GTPBP2: variants seen among roughly 807,000 people sequenced by gnomAD.
GTPBP2 encodes GTP-binding protein 2.
Under a neutral mutation model 63.0 loss-of-function variants are expected in GTPBP2, and 32 were observed. The observed-to-expected ratio is 0.51, with a 90% CI of 0.38 to 0.68. The LOEUF (loss-of-function observed/expected upper bound fraction) is 0.68, where lower values mean the gene tolerates loss of function less well. Ranked by LOEUF, GTPBP2 falls within the 30% of genes least tolerant of loss-of-function variation. The pLI is 0.00. For synonymous variants in GTPBP2, 310 were observed against 322.6 expected (o/e 0.96, Z 0.42); for missense variants, 492 against 796.9 (o/e 0.62, Z 4.61).
chr6:43,623,832 G>C (rs560659332), intron 8 of GTPBP2, 37 bp from the exon 9 acceptor site: 1 of 1,609,914 alleles, frequency 6.2e-7, no homozygotes, highest in Non-Finnish European at 8.5e-7. Context: ...GGCCTGCCAA[G>C]TAGGGCTGGT....
rs1769186652 is a variant in GTPBP2 at position 43,625,090 on chromosome 6, C to G, written c.706-28G>C. 6.2e-7 allele frequency: 1 copy of G among 1,607,560 alleles called. No homozygotes were observed. Among genetic ancestry groups the G allele is most frequent in the African/African-American group, 1.3e-5 (1 of 74,852 alleles). ...GGCCCAGGGCCCAGGGCCCTCAGTGCCTCCTGCCAGCCCTTCCAACCCCTT... is the reference window on the plus strand; with the variant it reads ...GGCCCAGGGCCCAGGGCCCTCAGTGGCTCCTGCCAGCCCTTCCAACCCCTT... On this transcript the variant is annotated intron_variant, in intron 5 of 11. Coordinates refer to ENST00000307126, the MANE Select transcript of GTPBP2 (RefSeq NM_019096.5). This position sits in a 1 kb window ranked among gnomAD's most constrained non-coding sequence, Gnocchi z 5.1.
chr6:43,625,093 C>G lies in GTPBP2; in HGVS notation c.706-31G>C. On this transcript the variant is annotated intron_variant, in intron 5 of 11. Coordinates refer to ENST00000307126, the MANE Select transcript of GTPBP2 (RefSeq NM_019096.5). The surrounding 1 kb of genome is among the most constrained non-coding windows in gnomAD (Gnocchi z 5.1). ...CCAGGGCCCAGGGCCCTCAGTGCCT[C>G]CTGCCAGCCCTTCCAACCCCTTCAG... 1 of 1,605,316 alleles carries G rather than the reference C, an allele frequency of 6.2e-7. No individual in the cohort carries two copies. The highest frequency in any genetic ancestry group is 1.3e-5 in the African/African-American group (1 of 74,938).
Position 43,625,478 on chromosome 6 carries a change from A to C in GTPBP2, c.590T>G (p.Leu197Arg). 1.2e-6 allele frequency: 2 copies of C among 1,614,034 alleles called. No individual in the cohort carries two copies. The highest frequency in any genetic ancestry group is 1.7e-6 in the Non-Finnish European group (2 of 1,179,930). Residue 197 changes from leucine to arginine, a missense_variant, in exon 5 of 12, where the codon CTG (leucine) becomes CGG (arginine). Physicochemically the swap from Leu to Arg is moderately radical, Grantham distance 102. Coordinates refer to ENST00000307126, the MANE Select transcript of GTPBP2 (RefSeq NM_019096.5). The surrounding 1 kb of genome is among the most constrained non-coding windows in gnomAD (Gnocchi z 5.1). ...TLLGVLTQGE[L>R]DNGRGRARLN... ...CCGAGCCCGGCCCCGCCCATTGTCC[A>C]GCTCTCCCTGGGTCAGGACTCCAAG...
rs752931266 is a variant in GTPBP2 at position 43,629,133 on chromosome 6, G to C, written c.30C>G (p.Gly10=). Residue 10 remains glycine, a synonymous_variant, in exon 1 of 12, where the codon GGC becomes GGG. Transcript: ENST00000307126. ...GGCCCCCTCCGGGCCGGCAGCAGCC[G>C]CCGAACAGCTCCGATACCCGCGAGT... is the stretch of plus-strand genomic sequence containing the variant. MDSRVSELF[G]GCCRPGGGPA... The C allele has an allele frequency of 7.2e-7, 1 of 1,396,230 alleles. No individual in the cohort carries two copies. The highest frequency in any genetic ancestry group is 9.4e-7 in the Non-Finnish European group (1 of 1,061,278). The allele number at this position is 1,396,230 out of a possible 1,614,324, so 86.5% of individuals were successfully genotyped here. A position where few individuals can be genotyped will look rare whatever the true frequency, so the allele number is the denominator to read the frequency against.
At position 43,629,086 on chromosome 6, in the gene GTPBP2, T is replaced by G. The variant is rs2127849692; in HGVS notation, c.77A>C (p.Lys26Thr). 1 of 1,588,226 alleles carries G rather than the reference T, an allele frequency of 6.3e-7. No homozygotes were observed. Among genetic ancestry groups the G allele is most frequent in the East Asian group, 2.3e-5 (1 of 43,494 alleles). The change falls in exon 1 of 12, where the codon AAG becomes ACG. Residue 26 changes from lysine (K) to threonine (T), a missense_variant. Around this residue, in one of 2 missense-constraint regions of GTPBP2, gnomAD observed 92 missense variants for 86.1 expected, o/e 1.07. Coordinates refer to ENST00000307126, the MANE Select transcript of GTPBP2 (RefSeq NM_019096.5). ...GCTGCTGCTGCCGGCCCCCCTAGCC[T>G]TGAGGGTTCCGCCCACGGCCGGGCC... ...GGGPAVGGTL[K>T]ARGAGSSSGC...
upstream of GTPBP2, chr6:43,629,913 C>G: frequency 9.4e-7 from 1 of 1,065,606 alleles, no homozygotes; most frequent in Non-Finnish European, 1.3e-6. Context: ...GTTTTAATAA[C>G]CGGAGGCACC....
At chr6:43,623,865 C>A in intron 8 of GTPBP2, 68 bp downstream of exon 8, 1 of 1,611,808 alleles carries the variant, frequency 6.2e-7, no homozygotes, top group Non-Finnish European at 8.5e-7. Context: ...TCTAAACAGA[C>A]TCTGGGTTTG....
In GTPBP2 at chr6:43,621,611, G is replaced by A. The variant is rs1303083511; in HGVS notation, c.*3C>T. ...GCAATAGAACTGTCCCTGCCTGAAG[G>A]GTTCAGAAGCCCATGTTGGCCTGGG... On this transcript the variant is annotated 3_prime_UTR_variant, in exon 12 of 12. Transcript: ENST00000307126. The A allele has an allele frequency of 3.1e-6, 5 of 1,613,962 alleles. No homozygotes were observed. In the African/African-American group the frequency reaches 5.3e-5, roughly 17 times the overall value.
chr6:43,629,516 G>A (rs1004702731), upstream of GTPBP2: 52 of 616,216 alleles, frequency 8.4e-5, no homozygotes, highest in Non-Finnish European at 1.2e-4. Context: ...CAGTCCTCGC[G>A]CTATGTTCTT....
rs752482612 is a variant in GTPBP2, at chr6:43,626,184, C to T, written c.398+42G>A. ...GTAACTGGGTATGCATGGGTCCCCC[C>T]AAGTCAGGTAAAGGAGAACTGGTGG... On this transcript the variant is annotated intron_variant, in intron 3 of 11. Coordinates refer to ENST00000307126, the MANE Select transcript of GTPBP2 (RefSeq NM_019096.5). This position sits in a 1 kb window ranked among gnomAD's most constrained non-coding sequence, Gnocchi z 4.0. 4 of 1,583,774 alleles carry T rather than the reference C, an allele frequency of 2.5e-6. No individual in the cohort carries two copies. Among genetic ancestry groups the T allele is most frequent in the Non-Finnish European group, 3.5e-6 (4 of 1,156,152 alleles).
In GTPBP2 at chr6:43,623,779, G is replaced by A. The variant is rs753822936; in HGVS notation, c.1253C>T (p.Thr418Ile). Residue 418 changes from threonine (T) to isoleucine (I), a missense_variant, in exon 9 of 12, where the codon ACA becomes ATA. Thr to Ile is a moderately conservative substitution (Grantham distance 89). Coordinates refer to ENST00000307126, the MANE Select transcript of GTPBP2 (RefSeq NM_019096.5). ...LTEFQVDEIY[T>I]VPEVGTVVGG... ...AACAACAGTCCCCACCTCTGGTACT[G>A]TGTAGATTTCATCCACCTGAAGCCA... The A allele has an allele frequency of 2.5e-6, 4 of 1,613,666 alleles. No individual in the cohort carries two copies. In the Admixed American group the frequency reaches 6.7e-5, roughly 27 times the overall value.
rs1769269603 is a variant in GTPBP2, at chr6:43,625,795, G to A, written c.468C>T (p.Ile156=). Residue 156 remains isoleucine, a synonymous_variant, in exon 4 of 12, where the codon ATC becomes ATT. Coordinates refer to ENST00000307126, the MANE Select transcript of GTPBP2 (RefSeq NM_019096.5). The surrounding 1 kb of genome is among the most constrained non-coding windows in gnomAD (Gnocchi z 5.1). ...VDYDSDMPRK[I]TEVLVRKVPD... ...GGACCTTTCGTACTAGCACCTCGGT[G>A]ATCTTCCGGGGCATGTCGCTATCAT... The A allele has an allele frequency of 1.9e-6, 3 of 1,614,016 alleles. No homozygotes were observed. The highest frequency in any genetic ancestry group is 3.3e-5 in the Admixed American group (2 of 60,006).
chr6:43,628,134 C>T (rs1249036683), intron 1 of GTPBP2, among the ~76,000 whole-genome samples: 1 of 152,136 alleles, frequency 6.6e-6, no homozygotes, highest in Non-Finnish European at 1.5e-5. Context: ...GAGGCCGAGG[C>T]GGGTGGATCA....
chr6:43,626,152 G>T lies in GTPBP2; in HGVS notation c.398+74C>A. On this transcript the variant is annotated intron_variant, in intron 3 of 11. Transcript: ENST00000307126. The surrounding 1 kb of genome is among the most constrained non-coding windows in gnomAD (Gnocchi z 4.0). ...GGAAAGTCCCACCTTGGCCCCTCAG[G>T]CCCTAGGTAACTGGGTATGCATGGG... 1 of 1,401,690 alleles carries T rather than the reference G, an allele frequency of 7.1e-7. No individual in the cohort carries two copies. Among genetic ancestry groups the T allele is most frequent in the Non-Finnish European group, 1.0e-6 (1 of 1,002,956 alleles). The allele number at this position is 1,401,690 out of a possible 1,614,324, so 86.8% of individuals were successfully genotyped here. A position where few individuals can be genotyped will look rare whatever the true frequency, so the allele number is the denominator to read the frequency against.
intron 9 of GTPBP2, chr6:43,623,431 GTC>G (rs2127836917): frequency 2.5e-6 from 1 of 400,730 alleles, no homozygotes; most frequent in African/African-American, 2.0e-5. Context: ...CTTAAGTGAC[GTC>G]TCTCATTTCC....
In GTPBP2 at chr6:43,625,392, C is replaced by T. The variant is rs763050725; in HGVS notation, c.676G>A (p.Glu226Lys). The T allele has an allele frequency of 3.1e-6, 5 of 1,613,976 alleles. No homozygotes were observed. Among genetic ancestry groups the T allele is most frequent in the Non-Finnish European group, 3.4e-6 (4 of 1,180,012 alleles). ...QSGRTSSISFEILGFNSKGEV... is the reference protein window; with the variant it reads ...QSGRTSSISFKILGFNSKGEV... ...CCCTTGCTGTTAAAGCCCAGGATCT[C>T]GAAGCTGATGCTGGAGGTTCGGCCA... Residue 226 changes from glutamate (E) to lysine (K), a missense_variant, in exon 5 of 12, where the codon GAG becomes AAG. Coordinates refer to ENST00000307126, the MANE Select transcript of GTPBP2 (RefSeq NM_019096.5). The surrounding 1 kb of genome is among the most constrained non-coding windows in gnomAD (Gnocchi z 5.1).
rs1769414895 is a variant in GTPBP2 at position 43,626,997 on chromosome 6, C to T, written c.187-49G>A. On this transcript the variant is annotated intron_variant, in intron 1 of 11. Coordinates refer to ENST00000307126, the MANE Select transcript of GTPBP2 (RefSeq NM_019096.5). This position sits in a 1 kb window ranked among gnomAD's most constrained non-coding sequence, Gnocchi z 4.0. ...ACCATACACTGTACAGACCCAATCCCTACTTCCCCTCAATTCCCACTGGGT... is the reference window on the plus strand; with the variant it reads ...ACCATACACTGTACAGACCCAATCCTTACTTCCCCTCAATTCCCACTGGGT... The T allele has an allele frequency of 1.3e-6, 2 of 1,511,488 alleles. No homozygotes were observed. Among genetic ancestry groups the T allele is most frequent in the African/African-American group, 1.4e-5 (1 of 71,850 alleles). 93.6% of individuals were successfully genotyped at this position (1,511,488 alleles called of 1,614,324 possible). A position where few individuals can be genotyped will look rare whatever the true frequency, so the allele number is the denominator to read the frequency against.
chr6:43,628,781 C>T, intron 1 of GTPBP2, 196 bp downstream of exon 1: 1 of 799,582 alleles, frequency 1.3e-6, no homozygotes, highest in South Asian at 1.4e-5. Context: ...TCCCTGAGGT[C>T]CTGTCACCTG....
chr6:43,623,900 C>T, intron 8 of GTPBP2, 33 bp downstream of exon 8: 1 of 1,613,530 alleles, frequency 6.2e-7, no homozygotes, highest in Admixed American at 1.7e-5. Context: ...CTCCCTGTTT[C>T]CCAGCCTATT....
Sources: gnomAD v4.1 joint callset for allele counts (sites outside exome capture counted in the v4.1 genomes callset) on GRCh38, gnomAD v4.1.1 for gene constraint, gnomAD v4.1.1 regional missense constraint, Gnocchi (gnomAD v3.1) non-coding constraint, MANE v1.5 for transcripts, NCBI Gene and HGNC (gene_info 2026-07-23, HGNC 2026-07-21) for gene names.